Variants in ZBTB16 observed in about 807,000 individuals in gnomAD.
The protein encoded by ZBTB16 is zinc finger and BTB domain containing 16, also known as zinc finger and BTB domain-containing protein 16.
ZBTB16 carries 8 observed loss-of-function variants against 56.8 expected under a neutral mutation model. The observed-to-expected ratio is 0.14, with a 90% CI of 0.08 to 0.25. The LOEUF is 0.25. Ranked by LOEUF, ZBTB16 falls within the 10% of genes least tolerant of loss-of-function variation. The pLI is 1.00. For missense variants in ZBTB16, 625 were observed against 903.0 expected, an observed-to-expected ratio of 0.69 and a Z score of 3.95; for synonymous variants, 363 against 368.5, an observed-to-expected ratio of 0.98 and a Z score of 0.17.
chr11:114,119,904 G>T (rs189990563), intron 2 of ZBTB16, among the ~76,000 whole-genome samples: 1 of 152,158 alleles, frequency 6.6e-6, no homozygotes, highest in African/African-American at 2.4e-5. Flanking sequence ...TCCATGGCAC[G>T]CTGCCTCCTT....
At chr11:114,214,420 C>G (rs1289845792) in intron 4 of ZBTB16, among the ~76,000 whole-genome samples, 1 of 152,036 alleles carries the variant, frequency 6.6e-6, no homozygotes, top group East Asian at 1.9e-4. Context: ...AATGGCATTA[C>G]CTTTTATGGC....
chr11:114,210,638 C>T (rs1365067440), intron 4 of ZBTB16: 2 of 224,746 alleles, frequency 8.9e-6, no homozygotes, highest in Non-Finnish European at 1.8e-5. Flanking sequence ...TTCTCCTCAC[C>T]CCCACTTCCC....
At chr11:114,174,308 T>G (rs1391025656) in intron 3 of ZBTB16, among the ~76,000 whole-genome samples, 3 of 136,200 alleles carry the variant, frequency 2.2e-5, no homozygotes, top group Non-Finnish European at 4.7e-5. Flanking sequence ...CCATTCTGAC[T>G]GAGGTTTTTT....
intron 2 of ZBTB16, among the ~76,000 whole-genome samples, chr11:114,119,353 T>C (rs144830622): frequency 0.025 from 3,488 of 140,308 alleles, 124 homozygotes; most frequent in African/African-American, 0.083. Flanking sequence ...TGTGCGCGCG[T>C]GTGTGTGTGT....
intron 2 of ZBTB16, among the ~76,000 whole-genome samples, chr11:114,098,424 C>T (rs114243174): frequency 2.6e-3 from 390 of 152,094 alleles, no homozygotes; most frequent in African/African-American, 8.7e-3. Context: ...CAACCTTTAA[C>T]GCCAGACACA....
At chr11:114,233,336 C>T (rs576997450) in intron 4 of ZBTB16, among the ~76,000 whole-genome samples, 8 of 152,024 alleles carry the variant, frequency 5.3e-5, no homozygotes, top group East Asian at 1.9e-4. Context: ...TTTTAATCCT[C>T]GGATTCATTA....
intron 3 of ZBTB16, among the ~76,000 whole-genome samples, chr11:114,168,425 C>G (rs1942854276): frequency 6.6e-6 from 1 of 152,174 alleles, no homozygotes; most frequent in Admixed American, 6.5e-5. Flanking sequence ...GGTTTGGCTG[C>G]AGGAAGGAGA....
chr11:114,184,139 C>T (rs1000073370), intron 3 of ZBTB16, among the ~76,000 whole-genome samples: 16 of 152,202 alleles, frequency 1.1e-4, no homozygotes, highest in African/African-American at 2.7e-4. Flanking sequence ...TCCAGCCAGT[C>T]GACTCACATT....
intron 2 of ZBTB16, among the ~76,000 whole-genome samples, chr11:114,103,136 G>A (rs369592286): frequency 6.6e-6 from 1 of 152,342 alleles, no homozygotes; most frequent in East Asian, 1.9e-4. Context: ...TGATTATTGA[G>A]GTTCGACTGT....
intron 4 of ZBTB16, among the ~76,000 whole-genome samples, chr11:114,240,364 C>A (rs533029436): frequency 3.9e-5 from 6 of 152,252 alleles, no homozygotes; most frequent in African/African-American, 1.4e-4. Flanking sequence ...TTCTTCGTGC[C>A]ATCCCTTCTC....
At chr11:114,102,850 C>T (rs985818998) in intron 2 of ZBTB16, among the ~76,000 whole-genome samples, 4 of 152,102 alleles carry the variant, frequency 2.6e-5, no homozygotes, top group Non-Finnish European at 5.9e-5. Context: ...TTTTGATGCT[C>T]GCCAACATTC....
intron 3 of ZBTB16, among the ~76,000 whole-genome samples, chr11:114,167,326 T>C (rs1270909667): frequency 3.1e-4 from 43 of 139,800 alleles, no homozygotes; most frequent in African/African-American, 5.3e-5. Flanking sequence ...TCTCTCTCTC[T>C]CTCTGAGGGT....
intron 4 of ZBTB16, among the ~76,000 whole-genome samples, chr11:114,198,116 C>G (rs1943649505): frequency 6.6e-6 from 1 of 152,050 alleles, no homozygotes; most frequent in Non-Finnish European, 1.5e-5. Flanking sequence ...GAGGGACAGG[C>G]AGACTCCATG....
At chr11:114,069,242 C>T (rs920668820) in intron 2 of ZBTB16, among the ~76,000 whole-genome samples, 3 of 152,216 alleles carry the variant, frequency 2.0e-5, no homozygotes, top group Non-Finnish European at 4.4e-5. Flanking sequence ...CCCGCCACCA[C>T]GCCCGGCTAA....
chr11:114,118,078 G>A (rs151024494), intron 2 of ZBTB16, among the ~76,000 whole-genome samples: 68 of 152,266 alleles, frequency 4.5e-4, no homozygotes, highest in African/African-American at 1.6e-3. Flanking sequence ...CAGGACCCCA[G>A]GTGTGTGTGT....
intron 3 of ZBTB16, among the ~76,000 whole-genome samples, chr11:114,182,647 C>T (rs1943275660): frequency 1.3e-5 from 2 of 152,206 alleles, no homozygotes; most frequent in South Asian, 2.1e-4. Context: ...GTAAATGCTG[C>T]TGCTAGGTCC....
intron 2 of ZBTB16, among the ~76,000 whole-genome samples, chr11:114,151,757 G>A (rs1344129572): frequency 1.3e-5 from 2 of 152,132 alleles, no homozygotes; most frequent in South Asian, 2.1e-4. Flanking sequence ...TGAGTTCTTC[G>A]CATAGCCTTC....
At chr11:114,212,214 A>G (rs1944011871) in intron 4 of ZBTB16, among the ~76,000 whole-genome samples, 1 of 152,182 alleles carries the variant, frequency 6.6e-6, no homozygotes, top group South Asian at 2.1e-4. Context: ...TTAAATTCTA[A>G]AGAACTTTTA....
At chr11:114,181,507 C>G (rs2135044302) in intron 3 of ZBTB16, among the ~76,000 whole-genome samples, 1 of 152,366 alleles carries the variant, frequency 6.6e-6, no homozygotes, top group South Asian at 2.1e-4. Context: ...CTGCTATCCA[C>G]AGAATGTTTT....
Sources: gnomAD v4.1 joint callset for allele counts (sites outside exome capture counted in the v4.1 genomes callset) on GRCh38, gnomAD v4.1.1 for gene constraint, MANE v1.5 for transcripts, NCBI Gene and HGNC (gene_info 2026-07-23, HGNC 2026-07-21) for gene names.